The following ZNF567 variants were observed in gnomAD, a reference collection of about 807,000 sequenced individuals.
ZNF567 encodes the protein zinc finger protein 567.
ZNF567 carries 36 observed loss-of-function variants against 53.9 expected under a neutral mutation model. The ratio of observed to expected loss-of-function variants is 0.67; its 90% CI spans 0.51 to 0.88. The LOEUF (loss-of-function observed/expected upper bound fraction) is 0.88. ZNF567 is among the 40% of genes least tolerant of loss of function. The probability of loss-of-function intolerance (pLI) is 0.00; values close to 1 mark genes in which losing one functional copy is unlikely to be tolerated. For missense variants in ZNF567, 619 were observed against 764.7 expected (o/e 0.81, Z 2.25); for synonymous variants, 224 against 260.4 (o/e 0.86, Z 1.35).
chr19:36,720,041 T>C lies in ZNF567; in HGVS notation c.1317T>C (p.His439=), dbSNP rs774554517. 19 of 1,613,950 alleles carry C rather than the reference T, an allele frequency of 1.2e-5. No homozygotes were observed. Among genetic ancestry groups the C allele is most frequent in the Non-Finnish European group, 1.5e-5 (18 of 1,180,030 alleles). Residue 439 remains histidine (H), a synonymous_variant, in exon 6 of 6, where the codon CAT becomes CAC. Coordinates refer to ENST00000682579, the MANE Select transcript of ZNF567 (RefSeq NM_001322917.1). The part of the protein sequence containing the change: ...SFSQKTTLAL[H]EKTHNEEKPY... ...CCCAGAAGACAACCCTTGCTCTTCA[T>C]GAGAAAACTCATAATGAGGAGAAAC...
chr19:36,690,167 A>G (rs1309125613), intron 2 of ZNF567, among the ~76,000 whole-genome samples: 2 of 152,206 alleles, frequency 1.3e-5, no homozygotes, highest in African/African-American at 4.8e-5. Flanking sequence ...ACATTAACAA[A>G]TAAATAGGGG....
downstream of ZNF567, chr19:36,726,990 C>CTT (rs2040337483): frequency 2.3e-5 from 2 of 87,568 alleles, no homozygotes; most frequent in Non-Finnish European, 4.5e-5. Context: ...CTTTTTCTTT[C>CTT]TTTCTTTCTT....
At chr19:36,718,284 G>A (rs868791303) in intron 5 of ZNF567, among the ~76,000 whole-genome samples, 5 of 152,214 alleles carry the variant, frequency 3.3e-5, no homozygotes, top group Non-Finnish European at 7.4e-5. Flanking sequence ...CAGATCATGA[G>A]GTCAGGAGTT....
intron 3 of ZNF567, among the ~76,000 whole-genome samples, chr19:36,698,250 G>T (rs557079617): frequency 0.041 from 6,239 of 152,008 alleles, 184 homozygotes; most frequent in Middle Eastern, 0.058. Context: ...CAAAGGACAT[G>T]AACTCATCAT....
chr19:36,704,895 C>G (rs965532492), intron 3 of ZNF567, among the ~76,000 whole-genome samples: 3 of 152,136 alleles, frequency 2.0e-5, no homozygotes, highest in African/African-American at 7.2e-5. Flanking sequence ...GAAGACTGTT[C>G]AGGTTATCAG....
downstream of ZNF567, among the ~76,000 whole-genome samples, chr19:36,724,680 TC>T (rs2040328398): frequency 3.2e-5 from 1 of 31,450 alleles, no homozygotes. Flanking sequence ...AGACTTCATC[TC>T]AAAAAAAAAA....
At chr19:36,689,933 T>C (rs1037157865) in intron 2 of ZNF567, among the ~76,000 whole-genome samples, 1 of 152,216 alleles carries the variant, frequency 6.6e-6, no homozygotes, top group Non-Finnish European at 1.5e-5. Context: ...CATGCTCCTC[T>C]CTCAGCCTCT....
At chr19:36,726,046 T>A (rs879522121), downstream of ZNF567, among the ~76,000 whole-genome samples, 1 of 152,244 alleles carries the variant, frequency 6.6e-6, no homozygotes, top group Non-Finnish European at 1.5e-5. Flanking sequence ...GTTCACTGAT[T>A]GCTCTGTCTC....
At chr19:36,688,584 G>A (rs964494612) in intron 1 of ZNF567, among the ~76,000 whole-genome samples, 1 of 151,846 alleles carries the variant, frequency 6.6e-6, no homozygotes, top group African/African-American at 2.4e-5. Flanking sequence ...GAGGCGGGCC[G>A]ATCACGACGT....
intron 3 of ZNF567, among the ~76,000 whole-genome samples, chr19:36,707,447 G>A (rs138745877): frequency 1.3e-3 from 193 of 152,076 alleles, no homozygotes; most frequent in Non-Finnish European, 2.0e-3. Flanking sequence ...ACTACCACCC[G>A]TTGTATTTTT....
At chr19:36,695,710 AT>A (rs1285497315) in intron 3 of ZNF567, among the ~76,000 whole-genome samples, 2 of 151,490 alleles carry the variant, frequency 1.3e-5, no homozygotes, top group African/African-American at 4.9e-5. Flanking sequence ...AAAAAAAAAA[AT>A]AGTGGATATA....
At position 36,720,247 on chromosome 19, in the gene ZNF567, A is replaced by G; in HGVS notation, c.1523A>G (p.Asn508Ser). 3 of 1,614,084 alleles carry G rather than the reference A, an allele frequency of 1.9e-6. No homozygotes were observed. The South Asian group carries it at 3.3e-5, about 18-fold the overall frequency. The stretch of plus-strand genomic sequence containing the variant: ...ACAGGAGAGAAACCATATGAATGTA[A>G]TGAATGTGGTAAATCATTCAGTCAA... Reference protein sequence around the residue: ...THTGEKPYECNECGKSFSQKT... With the variant: ...THTGEKPYECSECGKSFSQKT... The change falls in exon 6 of 6, where the codon AAT becomes AGT. Residue 508 changes from asparagine (N) to serine (S), a missense_variant. By Grantham distance (46) the Asn-to-Ser change is conservative. Transcript: ENST00000682579.
rs767357628 is a variant in ZNF567, at chr19:36,719,065, A to G, written c.341A>G (p.Tyr114Cys). The change falls in exon 6 of 6, where the codon TAT (tyrosine) becomes TGT (cysteine). Residue 114 changes from tyrosine (Y) to cysteine (C), a missense_variant. Physicochemically the swap from Tyr to Cys is radical, Grantham distance 194. Transcript: ENST00000682579. ...CTGGTGAAGGAGAAGAGTAAAATAT[A>G]TGAAAAGACATTTACTCTAGGCAAA... Reference protein sequence around the residue: ...KKLVKEKSKIYEKTFTLGKNP... With the variant: ...KKLVKEKSKICEKTFTLGKNP... The G allele has an allele frequency of 1.2e-6, 2 of 1,613,396 alleles. No homozygotes were observed. The highest frequency in any genetic ancestry group is 1.7e-6 in the Non-Finnish European group (2 of 1,179,824).
Position 36,712,700 on chromosome 19 carries a change from T to C in ZNF567, c.137-81T>C. 2.1e-6 allele frequency: 3 copies of C among 1,429,946 alleles called. No individual in the cohort carries two copies. In the South Asian group the frequency reaches 3.5e-5, roughly 17 times the overall value. 88.6% of individuals were successfully genotyped at this position (1,429,946 alleles called of 1,614,324 possible). A position where few individuals can be genotyped will look rare whatever the true frequency, so the allele number is the denominator to read the frequency against. On this transcript the variant is annotated intron_variant, in intron 4 of 5. Coordinates refer to ENST00000682579, the MANE Select transcript of ZNF567 (RefSeq NM_001322917.1). The stretch of plus-strand genomic sequence containing the variant: ...TGTTACACAAATGGGTGTCTTAATT[T>C]GCAGTACTGAACATGCCCCTTTCCT...
At chr19:36,697,918 C>CTTTTTTTTTTTTTTTTT (rs71171464) in intron 3 of ZNF567, among the ~76,000 whole-genome samples, 1 of 135,746 alleles carries the variant, frequency 7.4e-6, no homozygotes, top group South Asian at 2.4e-4. Context: ...GCTGGAATTT[C>CTTTTTTTTTTTTTTTTT]TTTTTTTTTT....
the ZNF567 span, among the ~76,000 whole-genome samples, chr19:36,675,541 C>G: frequency 2.6e-5 from 4 of 152,084 alleles, no homozygotes; most frequent in Non-Finnish European, 5.9e-5. Context: ...GGCGTGGTGG[C>G]GTGCACCTGT....
Position 36,719,512 on chromosome 19 carries a change from G to T in ZNF567, c.788G>T (p.Cys263Phe). The T allele has an allele frequency of 6.2e-7, 1 of 1,613,150 alleles. No homozygotes were observed. The highest frequency in any genetic ancestry group is 8.5e-7 in the Non-Finnish European group (1 of 1,179,760). Residue 263 changes from cysteine to phenylalanine, a missense_variant, in exon 6 of 6, where the codon TGC becomes TTC. By Grantham distance (205) the Cys-to-Phe change is radical. Coordinates refer to ENST00000682579, the MANE Select transcript of ZNF567 (RefSeq NM_001322917.1). ...HTCNECGKSF[C>F]RKSVLILHQG... ...TGCAATGAATGTGGGAAATCTTTCTGCAGGAAATCAGTATTGATTCTGCAT... is the reference window on the plus strand; with the variant it reads ...TGCAATGAATGTGGGAAATCTTTCTTCAGGAAATCAGTATTGATTCTGCAT...
At chr19:36,697,095 T>C (rs2038926574) in intron 3 of ZNF567, among the ~76,000 whole-genome samples, 1 of 152,164 alleles carries the variant, frequency 6.6e-6, no homozygotes, top group Non-Finnish European at 1.5e-5. Flanking sequence ...ACGAGAATAA[T>C]AATCATTAAT....
intron 5 of ZNF567, 44 bp downstream of exon 5, chr19:36,712,911 A>C (rs1337520236): frequency 6.7e-7 from 1 of 1,501,480 alleles, no homozygotes. Flanking sequence ...GCAGAATGTA[A>C]ATTTAAAAGG....
Sources: gnomAD v4.1 joint callset for allele counts (sites outside exome capture counted in the v4.1 genomes callset) on GRCh38, gnomAD v4.1.1 for gene constraint, MANE v1.5 for transcripts, NCBI Gene and HGNC (gene_info 2026-07-23, HGNC 2026-07-21) for gene names.